Variants in RUFY3 observed in about 807,000 individuals in gnomAD.
RUFY3 encodes the protein RUN and FYVE domain containing 3.
RUFY3 carries 34 observed loss-of-function variants against 84.0 expected under a neutral mutation model. That is an observed-to-expected ratio of 0.40 (90% CI 0.31 to 0.54). RUFY3 has a LOEUF of 0.54. Ranked by LOEUF, RUFY3 falls within the 20% of genes least tolerant of loss-of-function variation. RUFY3 has a pLI of 0.39. For missense variants in RUFY3, 507 were observed against 736.8 expected, an observed-to-expected ratio of 0.69 and a Z score of 3.61; for synonymous variants, 242 against 252.9, an observed-to-expected ratio of 0.96 and a Z score of 0.41.
intron 1 of RUFY3, among the ~76,000 whole-genome samples, chr4:70,754,977 C>T (rs1320274633): frequency 6.6e-6 from 1 of 151,284 alleles, no homozygotes; most frequent in African/African-American, 2.4e-5. Flanking sequence ...GATCTTGGCT[C>T]ACTGCAACCT....
At chr4:70,791,720 GA>G in intron 12 of RUFY3, 1 of 999,030 alleles carries the variant, frequency 1.0e-6, no homozygotes, top group Non-Finnish European at 1.2e-6. Flanking sequence ...GCAGTGTGAT[GA>G]ACCTAGAGGT....
intron 6 of RUFY3, among the ~76,000 whole-genome samples, chr4:70,774,644 A>AAATATATATATATAT (rs1553916771): frequency 3.5e-5 from 2 of 56,680 alleles, no homozygotes; most frequent in African/African-American, 1.7e-4. Context: ...AAAAAAAAAA[A>AAATATATATATATAT]ATATATATAT....
intron 1 of RUFY3, among the ~76,000 whole-genome samples, chr4:70,733,073 A>AAG (rs1223448881): frequency 2.0e-3 from 226 of 112,412 alleles, no homozygotes; most frequent in East Asian, 0.01. Flanking sequence ...TTTCAAAAGA[A>AAG]AGAGAGAGAG....
At chr4:70,724,123 A>G (rs1054459923) in intron 1 of RUFY3, among the ~76,000 whole-genome samples, 1 of 152,164 alleles carries the variant, frequency 6.6e-6, no homozygotes, top group African/African-American at 2.4e-5. Flanking sequence ...TGCCAGTACT[A>G]TTTATTTTTT....
chr4:70,795,320 C>T (rs1731364209), intron 14 of RUFY3, among the ~76,000 whole-genome samples: 1 of 152,106 alleles, frequency 6.6e-6, no homozygotes, highest in Non-Finnish European at 1.5e-5. Flanking sequence ...TTTTTCAAAT[C>T]ATGAGGATTT....
chr4:70,722,536 T>C lies in RUFY3; in HGVS notation c.-38T>C. 1 of 1,595,966 alleles carries C rather than the reference T, an allele frequency of 6.3e-7. No homozygotes were observed. The highest frequency in any genetic ancestry group is 8.6e-7 in the Non-Finnish European group (1 of 1,169,266). On this transcript the variant is annotated 5_prime_UTR_variant, in exon 1 of 18. Coordinates refer to ENST00000381006, the MANE Select transcript of RUFY3 (RefSeq NM_001037442.4). ...TTTGGTGTGTGTGTGTGAGTGTGTG[T>C]GTGTCTGTGTGTGTGTTGTGGTCCC...
chr4:70,705,110 C>T (rs1386136492), exon 1 of RUFY3: 2 of 1,424,350 alleles, frequency 1.4e-6, no homozygotes, highest in Non-Finnish European at 1.8e-6. Flanking sequence ...CGGAGCCCGA[C>T]TCGCCGGTGG....
rs1729220720 is a variant in RUFY3, at chr4:70,783,158, C to T, written c.962C>T (p.Ser321Phe). The change falls in exon 9 of 18, where the codon TCC (serine) becomes TTC (phenylalanine). Residue 321 changes from serine (S) to phenylalanine (F), a missense_variant. Physicochemically the swap from Ser to Phe is radical, Grantham distance 155 (BLOSUM62 -2). Coordinates refer to ENST00000381006, the MANE Select transcript of RUFY3 (RefSeq NM_001037442.4). The stretch of plus-strand genomic sequence containing the variant: ...ATGGAACGAGTTAAAGAGGAAAGTT[C>T]CTACATACTGGAATCCAATCGGAAG... ...EEMERVKEES[S>F]YILESNRKGP... 6.2e-7 allele frequency: 1 copy of T among 1,607,360 alleles called. No homozygotes were observed. The highest frequency in any genetic ancestry group is 2.2e-5 in the East Asian group (1 of 44,814).
rs115494709 is a variant in RUFY3 at position 70,709,293 on chromosome 4, C to T, written c.358+3999C>T. Among the ~76,000 whole-genome samples the T allele has an allele frequency of 1.9e-3, 282 of 152,262 alleles. 1 individual carries two copies. Among genetic ancestry groups the T allele is most frequent in the African/African-American group, 6.5e-3 (271 of 41,542 alleles). On this transcript the variant is annotated intron_variant, in intron 1 of 11. Coordinates refer to the RUFY3 transcript ENST00000417478. ...CTTTAAATCTCATAAAACTCTCTGC[C>T]ATGCCTTTTAAAATTTGATTTTATA...
intron 13 of RUFY3, among the ~76,000 whole-genome samples, chr4:70,794,521 C>T (rs778617360): frequency 2.6e-5 from 4 of 152,098 alleles, no homozygotes; most frequent in African/African-American, 7.2e-5. Flanking sequence ...ATGGAGGTTA[C>T]GGTGACCTGA....
At chr4:70,803,961 C>T (rs1384432778) in intron 16 of RUFY3, among the ~76,000 whole-genome samples, 1 of 151,626 alleles carries the variant, frequency 6.6e-6, no homozygotes, top group Non-Finnish European at 1.5e-5. Context: ...TCTTGAACTC[C>T]TGACCTCAAG....
intron 10 of RUFY3, among the ~76,000 whole-genome samples, chr4:70,787,080 G>A (rs1405675428): frequency 2.7e-5 from 4 of 146,994 alleles, no homozygotes; most frequent in Non-Finnish European, 4.5e-5. Flanking sequence ...TGAGGAGGGA[G>A]ATCACCTGAG....
chr4:70,704,782 G>A (rs977323469), upstream of RUFY3: 2 of 458,904 alleles, frequency 4.4e-6, no homozygotes, highest in Admixed American at 9.5e-5. Flanking sequence ...GCCGAGCGGC[G>A]GAGCCCAGGC....
intron 1 of RUFY3, among the ~76,000 whole-genome samples, chr4:70,711,064 GAAAAAAAAAAAAAA>G (rs950005722): frequency 1.1e-4 from 6 of 54,092 alleles, no homozygotes; most frequent in Non-Finnish European, 2.3e-4. Flanking sequence ...ACTCCGTCTG[GAAAAAAAAAAAAAA>G]AAAAAAAAAA....
intron 1 of RUFY3, among the ~76,000 whole-genome samples, chr4:70,725,792 C>G (rs1270780731): frequency 3.9e-5 from 6 of 152,122 alleles, no homozygotes; most frequent in African/African-American, 1.2e-4. Context: ...ATCACCAGAC[C>G]GACATAGGGA....
At chr4:70,798,960 G>T (rs1366285172) in intron 14 of RUFY3, among the ~76,000 whole-genome samples, 4 of 151,510 alleles carry the variant, frequency 2.6e-5, no homozygotes, top group Non-Finnish European at 5.9e-5. Flanking sequence ...GACCATCCTG[G>T]CCAACATGGT....
At chr4:70,743,837 C>G (rs1272496388) in intron 1 of RUFY3, among the ~76,000 whole-genome samples, 1 of 152,064 alleles carries the variant, frequency 6.6e-6, no homozygotes, top group Non-Finnish European at 1.5e-5. Context: ...GATGGCTTCA[C>G]TTTAACTCTT....
chr4:70,747,462 A>T (rs1440736120), intron 1 of RUFY3, among the ~76,000 whole-genome samples: 1 of 151,740 alleles, frequency 6.6e-6, no homozygotes, highest in Non-Finnish European at 1.5e-5. Context: ...TCTGGTATAT[A>T]CATCCATTTG....
At position 70,722,142 on chromosome 4, in the gene RUFY3, AT is replaced by A. The variant is rs966028658; in HGVS notation, c.-424del. ...TTTTTTGTTCAGGTTTTTCTTTTAT[AT>A]TTTTTTTCTGCACAAAGGAGGAGGA... On this transcript the variant is annotated 5_prime_UTR_variant, in exon 1 of 18. Coordinates refer to ENST00000381006, the MANE Select transcript of RUFY3 (RefSeq NM_001037442.4). 1.6e-6 allele frequency: 2 copies of A among 1,230,534 alleles called. No homozygotes were observed. Among genetic ancestry groups the A allele is most frequent in the Non-Finnish European group, 2.0e-6 (2 of 987,404 alleles). The allele number at this position is 1,230,534 out of a possible 1,614,324, so 76.2% of individuals were successfully genotyped here.
Sources: allele counts gnomAD v4.1 joint callset (sites outside exome capture counted in the v4.1 genomes callset), GRCh38; gene constraint gnomAD v4.1.1; transcripts MANE v1.5; gene names NCBI Gene and HGNC (gene_info 2026-07-23, HGNC 2026-07-21).